GABRG3: variants seen among roughly 807,000 people sequenced by gnomAD.
GABRG3 encodes the protein gamma-aminobutyric acid type A receptor subunit gamma3.
GABRG3 carries 25 observed loss-of-function variants against 48.8 expected under a neutral mutation model. The observed-to-expected ratio is 0.51, with a 90% confidence interval of 0.37 to 0.72. The LOEUF (loss-of-function observed/expected upper bound fraction) is 0.72. Ranked by LOEUF, GABRG3 falls within the 30% of genes least tolerant of loss-of-function variation. The pLI is 0.00. For synonymous variants in GABRG3, 227 were observed against 217.6 expected (o/e 1.04, Z -0.38); for missense variants, 394 against 577.9 (o/e 0.68, Z 3.26).
chr15:27,416,977 A>G (rs1047922892), intron 5 of GABRG3, among the ~76,000 whole-genome samples: 2 of 152,374 alleles, frequency 1.3e-5, no homozygotes, highest in African/African-American at 4.8e-5. Context: ...TAAATGTTCA[A>G]TGAAGGGTGG....
chr15:27,307,901 A>T (rs979957068), intron 3 of GABRG3, among the ~76,000 whole-genome samples: 5 of 130,938 alleles, frequency 3.8e-5, no homozygotes, highest in South Asian at 4.7e-4. Context: ...AATATATATA[A>T]AATAAACATG....
chr15:27,016,585 CTT>C (rs995965577), intron 2 of GABRG3, among the ~76,000 whole-genome samples: 2 of 151,914 alleles, frequency 1.3e-5, no homozygotes, highest in Non-Finnish European at 2.9e-5. Context: ...TTGTAGATCT[CTT>C]TATTTTTATT....
chr15:27,256,358 G>T lies in GABRG3; in HGVS notation c.271-70451G>T, dbSNP rs1032287711. Among the ~76,000 whole-genome samples the T allele has an allele frequency of 1.2e-4, 18 of 151,636 alleles. No individual in the cohort carries two copies. In the South Asian group the frequency reaches 3.6e-3, roughly 30 times the overall value. On this transcript the variant is annotated intron_variant, in intron 3 of 9. Coordinates refer to ENST00000615808, the MANE Select transcript of GABRG3 (RefSeq NM_033223.5). ...TGGGAGGCTGAGGCAGGAGAATGGC[G>T]TGAACCCGGGAGGCAGTGCTTGCAG... is the stretch of plus-strand genomic sequence containing the variant.
At chr15:27,309,190 A>G (rs1892906042) in intron 3 of GABRG3, among the ~76,000 whole-genome samples, 1 of 149,796 alleles carries the variant, frequency 6.7e-6, no homozygotes, top group Admixed American at 6.7e-5. Flanking sequence ...AGAAACACAT[A>G]TAATGTAAAC....
intron 3 of GABRG3, among the ~76,000 whole-genome samples, chr15:27,303,069 T>C (rs1892266682): frequency 6.6e-6 from 1 of 151,632 alleles, no homozygotes; most frequent in Non-Finnish European, 1.5e-5. Context: ...CCTTTAGAAC[T>C]GGAAAGCAAA....
chr15:27,494,650 G>A (rs1351451656), intron 6 of GABRG3, among the ~76,000 whole-genome samples: 1 of 152,094 alleles, frequency 6.6e-6, no homozygotes, highest in Non-Finnish European at 1.5e-5. Context: ...ACTATTCCCT[G>A]ATTATCCCTC....
intron 2 of GABRG3, among the ~76,000 whole-genome samples, chr15:27,017,415 A>C (rs1379866145): frequency 1.3e-5 from 2 of 151,898 alleles, no homozygotes; most frequent in Non-Finnish European, 2.9e-5. Context: ...AGGTACTGGC[A>C]CTCCCCCTAC....
At chr15:27,062,479 G>C (rs1178309878) in intron 3 of GABRG3, among the ~76,000 whole-genome samples, 1 of 119,984 alleles carries the variant, frequency 8.3e-6, no homozygotes, top group Non-Finnish European at 1.9e-5. Flanking sequence ...ATGATGGCAG[G>C]TGCCTGTAAT....
chr15:27,085,445 A>T (rs72718125), intron 3 of GABRG3, among the ~76,000 whole-genome samples: 1,593 of 152,300 alleles, frequency 0.01, 7 homozygotes, highest in Non-Finnish European at 0.015. Context: ...ACTTTTAGGA[A>T]TATTTCTCTG....
chr15:27,479,412 C>T (rs940075561), intron 5 of GABRG3, among the ~76,000 whole-genome samples: 10 of 152,118 alleles, frequency 6.6e-5, no homozygotes, highest in Admixed American at 2.6e-4. Flanking sequence ...ATAATTTCAC[C>T]GGGCAACCCA....
intron 5 of GABRG3, among the ~76,000 whole-genome samples, chr15:27,389,798 C>G (rs1489198606): frequency 6.6e-6 from 1 of 152,176 alleles, no homozygotes; most frequent in Non-Finnish European, 1.5e-5. Context: ...CTTCCTTTAA[C>G]AAATGTAAAA....
intron 5 of GABRG3, among the ~76,000 whole-genome samples, chr15:27,448,501 A>C (rs76147848): frequency 0.016 from 2,381 of 152,360 alleles, 44 homozygotes; most frequent in South Asian, 0.084. Context: ...CTTACGTGGC[A>C]CTGGGATGTG....
At chr15:27,191,293 C>G (rs1888293328) in intron 3 of GABRG3, among the ~76,000 whole-genome samples, 1 of 152,112 alleles carries the variant, frequency 6.6e-6, no homozygotes, top group African/African-American at 2.4e-5. Flanking sequence ...GACTTTCTGT[C>G]TCATTGATCT....
At chr15:27,213,527 A>G (rs889743585) in intron 3 of GABRG3, among the ~76,000 whole-genome samples, 1 of 152,192 alleles carries the variant, frequency 6.6e-6, no homozygotes, top group African/African-American at 2.4e-5. Flanking sequence ...TAACTCAGAT[A>G]AACTAGAACC....
chr15:27,288,328 G>A (rs961514819), intron 3 of GABRG3, among the ~76,000 whole-genome samples: 3 of 151,910 alleles, frequency 2.0e-5, no homozygotes, highest in Non-Finnish European at 4.4e-5. Flanking sequence ...TTGTTATATT[G>A]TAATATATAA....
At chr15:27,246,432 T>A (rs981653717) in intron 3 of GABRG3, among the ~76,000 whole-genome samples, 1 of 152,158 alleles carries the variant, frequency 6.6e-6, no homozygotes, top group African/African-American at 2.4e-5. Context: ...ATGGAAGCAA[T>A]GTGCAAAGAT....
At chr15:27,152,010 A>C (rs1442604731) in intron 3 of GABRG3, among the ~76,000 whole-genome samples, 1 of 152,206 alleles carries the variant, frequency 6.6e-6, no homozygotes, top group Non-Finnish European at 1.5e-5. Context: ...AATTTTGATG[A>C]AGTCTAACCT....
intron 3 of GABRG3, among the ~76,000 whole-genome samples, chr15:27,190,186 T>C (rs1358453010): frequency 2.6e-5 from 4 of 152,228 alleles, no homozygotes; most frequent in Non-Finnish European, 5.9e-5. Flanking sequence ...TCTAAAATTC[T>C]CTTTTTTGGT....
intron 3 of GABRG3, among the ~76,000 whole-genome samples, chr15:27,267,338 C>T (rs1210721618): frequency 6.6e-6 from 1 of 152,000 alleles, no homozygotes; most frequent in Non-Finnish European, 1.5e-5. Flanking sequence ...AACTGCCAAC[C>T]TCAGATGATC....
Sources: gnomAD v4.1 joint callset for allele counts (sites outside exome capture counted in the v4.1 genomes callset) on GRCh38, gnomAD v4.1.1 for gene constraint, MANE v1.5 for transcripts, NCBI Gene and HGNC (gene_info 2026-07-23, HGNC 2026-07-21) for gene names.